Variants in GGA2 observed in about 807,000 individuals in gnomAD.
GGA2 encodes the protein ADP-ribosylation factor-binding protein GGA2.
Under a neutral mutation model 79.5 loss-of-function variants are expected in GGA2, and 48 were observed. The observed-to-expected ratio is 0.60, with a 90% CI of 0.48 to 0.77. The LOEUF (loss-of-function observed/expected upper bound fraction) is 0.77, where lower values mean the gene tolerates loss of function less well. GGA2 is among the 30% of genes least tolerant of loss of function. The pLI is 0.00. For synonymous variants in GGA2, 317 were observed against 302.0 expected, an observed-to-expected ratio of 1.05 and a Z score of -0.51; for missense variants, 770 against 774.0, an observed-to-expected ratio of 0.99 and a Z score of 0.06.
At chr16:23,511,916 C>T (rs1335348749), upstream of GGA2, among the ~76,000 whole-genome samples, 1 of 152,174 alleles carries the variant, frequency 6.6e-6, no homozygotes, top group Admixed American at 6.5e-5. Context: ...GGGGTGAGAG[C>T]TGTCCCTCCA....
chr16:23,467,648 A>G lies in GGA2; in HGVS notation c.1784T>C (p.Phe595Ser). Residue 595 changes from phenylalanine to serine, a missense_variant, in exon 17 of 17, where the codon TTC (phenylalanine) becomes TCC (serine). Coordinates refer to ENST00000309859, the MANE Select transcript of GGA2 (RefSeq NM_015044.4). Reference protein sequence around the residue: ...KLTFNQGGQPFSEVGEVKDFP... With the variant: ...KLTFNQGGQPSSEVGEVKDFP... ...GTCTTTCACTTCTCCTACTTCGCTG[A>G]AAGGCTGTCCACCTTGGTTGAATGT... 6.2e-7 allele frequency: 1 copy of G among 1,611,272 alleles called. No individual in the cohort carries two copies. The highest frequency in any genetic ancestry group is 8.5e-7 in the Non-Finnish European group (1 of 1,177,422).
Position 23,487,879 on chromosome 16 carries a change from G to A in GGA2, c.579+727C>T, listed in dbSNP as rs909171281. Among the ~76,000 whole-genome samples the A allele has an allele frequency of 1.2e-4, 19 of 152,152 alleles. No homozygotes were observed. The East Asian group carries it at 1.4e-3, about 11-fold the overall frequency. On this transcript the variant is annotated intron_variant, in intron 6 of 16. Coordinates refer to ENST00000309859, the MANE Select transcript of GGA2 (RefSeq NM_015044.4). ...GAGCATACCACGCAGAAACGAGTACGCAGCGTGTAGCCTTCCAACACTCCA... is the reference window on the plus strand; with the variant it reads ...GAGCATACCACGCAGAAACGAGTACACAGCGTGTAGCCTTCCAACACTCCA...
At chr16:23,508,709 TC>T (rs1965002582) in intron 1 of GGA2, among the ~76,000 whole-genome samples, 1 of 152,054 alleles carries the variant, frequency 6.6e-6, no homozygotes, top group African/African-American at 2.4e-5. Flanking sequence ...TCCCGCAAGC[TC>T]ACTGCCAATG....
Position 23,469,978 on chromosome 16 carries a change from C to T in GGA2, c.1620+18G>A, listed in dbSNP as rs1964488632. On this transcript the variant is annotated intron_variant, in intron 15 of 16. Coordinates refer to ENST00000309859, the MANE Select transcript of GGA2 (RefSeq NM_015044.4). ...AAAACGACAGCCATTACTGAGAAAT[C>T]CCCAACAGATGACTCACCTTTGGCA... 1 of 1,488,638 alleles carries T rather than the reference C, an allele frequency of 6.7e-7. No individual in the cohort carries two copies. Among genetic ancestry groups the T allele is most frequent in the Non-Finnish European group, 9.0e-7 (1 of 1,115,150 alleles). The allele number at this position is 1,488,638 out of a possible 1,614,324, so 92.2% of individuals were successfully genotyped here.
chr16:23,500,616 G>C (rs1964910534), intron 1 of GGA2, among the ~76,000 whole-genome samples: 1 of 152,278 alleles, frequency 6.6e-6, no homozygotes, highest in African/African-American at 2.4e-5. Context: ...GAGAGGAGCA[G>C]AGGCGTCGCA....
intron 1 of GGA2, among the ~76,000 whole-genome samples, chr16:23,500,144 T>C (rs1174447893): frequency 6.6e-6 from 1 of 152,206 alleles, no homozygotes; most frequent in Non-Finnish European, 1.5e-5. Context: ...GGGACCCTTG[T>C]AGACAAGGCA....
chr16:23,499,218 C>T (rs943043500), intron 1 of GGA2, among the ~76,000 whole-genome samples: 8 of 150,478 alleles, frequency 5.3e-5, no homozygotes, highest in African/African-American at 1.7e-4. Flanking sequence ...AATCTCGGCT[C>T]GCTGCAACCT....
At position 23,479,816 on chromosome 16, in the gene GGA2, G is replaced by A; in HGVS notation, c.1078C>T (p.Gln360Ter). The change falls in exon 11 of 17, where the codon CAG becomes TAG. Residue 360 changes from glutamine to a stop codon, truncating the protein, a stop_gained. Coordinates refer to ENST00000309859, the MANE Select transcript of GGA2 (RefSeq NM_015044.4). LOFTEE classifies it high-confidence loss of function. Reference protein sequence around the residue: ...IDLEVDNGPAQMGTVVPSLLH... With the variant: ...IDLEVDNGPA ...AAAGATGGCACCACAGTCCCCATCT[G>A]CGCAGGTCCATTGTCCACCTCCAAG... 1 of 1,614,096 alleles carries A rather than the reference G, an allele frequency of 6.2e-7. No individual in the cohort carries two copies.
At chr16:23,515,867 C>A (rs1194017817) in intron 2 of GGA2, among the ~76,000 whole-genome samples, 1 of 152,222 alleles carries the variant, frequency 6.6e-6, no homozygotes, top group Non-Finnish European at 1.5e-5. Context: ...CAGACAGAGT[C>A]TAGCTCTGTT....
chr16:23,491,852 C>T lies in GGA2; in HGVS notation c.352-52G>A, dbSNP rs137997253. The T allele has an allele frequency of 3.4e-5, 45 of 1,317,092 alleles. 1 individual carries two copies. The highest frequency in any genetic ancestry group is 1.9e-4 in the African/African-American group (13 of 68,938). 81.6% of individuals were successfully genotyped at this position (1,317,092 alleles called of 1,614,324 possible). On this transcript the variant is annotated intron_variant, in intron 4 of 16. Coordinates refer to ENST00000309859, the MANE Select transcript of GGA2 (RefSeq NM_015044.4). ...TAGAGCTGGAAGGGACTTGGGAGAC[C>T]GACACTTTAACTAAAGAGGTAGCTG...
At chr16:23,486,493 T>C (rs1964714606) in intron 7 of GGA2, among the ~76,000 whole-genome samples, 1 of 152,130 alleles carries the variant, frequency 6.6e-6, no homozygotes, top group African/African-American at 2.4e-5. Flanking sequence ...GCAGCATGGA[T>C]GAAAGCAGCT....
intron 1 of GGA2, among the ~76,000 whole-genome samples, chr16:23,504,844 C>T (rs2142142776): frequency 6.6e-6 from 1 of 152,328 alleles, no homozygotes; most frequent in East Asian, 1.9e-4. Flanking sequence ...TCACTAAAAG[C>T]AGTGTTTGTA....
intron 1 of GGA2, among the ~76,000 whole-genome samples, chr16:23,502,981 C>G (rs1964936145): frequency 6.6e-6 from 1 of 152,164 alleles, no homozygotes; most frequent in African/African-American, 2.4e-5. Context: ...CTAAGACGCC[C>G]CATGATCTCT....
chr16:23,521,427 T>A (rs554360577), intron 1 of GGA2, among the ~76,000 whole-genome samples: 1 of 151,948 alleles, frequency 6.6e-6, no homozygotes, highest in East Asian at 1.9e-4. Context: ...AGACACAGGA[T>A]CTTGCTCTGT....
upstream of GGA2, among the ~76,000 whole-genome samples, chr16:23,511,601 G>A (rs1012457318): frequency 4.0e-5 from 6 of 151,828 alleles, no homozygotes; most frequent in Non-Finnish European, 7.4e-5. Flanking sequence ...TGGTTTCCTG[G>A]AACACTTCTA....
At position 23,480,681 on chromosome 16, in the gene GGA2, C is replaced by G. The variant is rs1964635959; in HGVS notation, c.970G>C (p.Val324Leu). 1 of 1,613,608 alleles carries G rather than the reference C, an allele frequency of 6.2e-7. No homozygotes were observed. The highest frequency in any genetic ancestry group is 8.5e-7 in the Non-Finnish European group (1 of 1,179,588). The change falls in exon 10 of 17, where the codon GTG (valine) becomes CTG (leucine). Residue 324 changes from valine to leucine, a missense_variant. Val to Leu is a conservative substitution (Grantham distance 32, BLOSUM62 1). Coordinates refer to ENST00000309859, the MANE Select transcript of GGA2 (RefSeq NM_015044.4). Reference protein sequence around the residue: ...MEGRVTFGNRVTSSLGDIPVS... With the variant: ...MEGRVTFGNRLTSSLGDIPVS... ...GGGATGTCTCCCAATGAGCTGGTCA[C>G]TCTGTTTCCAAAGGTGACCCGGCCC...
At chr16:23,477,349 C>T (rs1345575661) in intron 13 of GGA2, among the ~76,000 whole-genome samples, 1 of 152,140 alleles carries the variant, frequency 6.6e-6, no homozygotes, top group African/African-American at 2.4e-5. Flanking sequence ...TGCAGTTTCC[C>T]CATACTGTTC....
chr16:23,482,650 T>C (rs1964662380), intron 9 of GGA2, among the ~76,000 whole-genome samples: 1 of 152,174 alleles, frequency 6.6e-6, no homozygotes, highest in Non-Finnish European at 1.5e-5. Context: ...TCCTGAAGCC[T>C]CCAGTGGGAT....
rs893968325 is a variant in GGA2 at position 23,466,702 on chromosome 16, C to A, written c.*888G>T. 6.6e-6 allele frequency: 1 copy of A among 152,640 alleles called. No homozygotes were observed. Among genetic ancestry groups the A allele is most frequent in the African/African-American group, 2.4e-5 (1 of 41,448 alleles). 9.5% of individuals were successfully genotyped at this position (152,640 alleles called of 1,614,324 possible). On this transcript the variant is annotated 3_prime_UTR_variant, in exon 17 of 17. Transcript: ENST00000309859. ...CACAGTTTCCCATCTTAGACTGTGA[C>A]GTCAGCTGGCAAGGGCTGGCTGTTG... is the stretch of plus-strand genomic sequence containing the variant.
Sources: allele counts gnomAD v4.1 joint callset (sites outside exome capture counted in the v4.1 genomes callset), GRCh38; gene constraint gnomAD v4.1.1; transcripts MANE v1.5; gene names NCBI Gene and HGNC (gene_info 2026-07-23, HGNC 2026-07-21).